The following EYA2 variants were observed in gnomAD, a reference collection of about 807,000 sequenced individuals.
EYA2 encodes protein phosphatase EYA2.
EYA2 carries 31 observed loss-of-function variants against 69.2 expected under a neutral mutation model. The ratio of observed to expected loss-of-function variants is 0.45; its 90% confidence interval spans 0.34 to 0.60. EYA2 has a LOEUF of 0.60. Among genes scored for constraint, EYA2 ranks in the 20% least tolerant of loss-of-function variants. EYA2 has a pLI of 0.02. For synonymous variants in EYA2, 257 were observed against 279.4 expected, an observed-to-expected ratio of 0.92 and a Z score of 0.80; for missense variants, 622 against 701.2, an observed-to-expected ratio of 0.89 and a Z score of 1.28.
At chr20:47,167,926 A>G (rs1008958389) in intron 10 of EYA2, among the ~76,000 whole-genome samples, 2 of 152,152 alleles carry the variant, frequency 1.3e-5, no homozygotes, top group Admixed American at 6.5e-5. Flanking sequence ...GACTGGATCC[A>G]GGGGATCAGA....
intron 1 of EYA2, among the ~76,000 whole-genome samples, chr20:46,900,491 T>A (rs1984045594): frequency 6.6e-6 from 1 of 152,372 alleles, no homozygotes; most frequent in African/African-American, 2.4e-5. Context: ...TTGGGTTTCA[T>A]GGTAAGATGT....
chr20:46,902,611 A>G (rs1217460767), intron 1 of EYA2, among the ~76,000 whole-genome samples: 1 of 152,242 alleles, frequency 6.6e-6, no homozygotes, highest in Non-Finnish European at 1.5e-5. Context: ...CTGGAGAGCT[A>G]GATTTTAAAG....
In EYA2 at chr20:47,081,000, G is replaced by A. The variant is rs1057242750; in HGVS notation, c.661+6665G>A. Among the ~76,000 whole-genome samples the A allele has an allele frequency of 7.9e-5, 12 of 152,130 alleles. No homozygotes were observed. The South Asian group carries it at 1.9e-3, about 24-fold the overall frequency. On this transcript the variant is annotated intron_variant, in intron 7 of 15. Coordinates refer to ENST00000327619, the MANE Select transcript of EYA2 (RefSeq NM_005244.5). ...CTCCCTCAGCCTCTCAAGTAGTTGG[G>A]ACTACAGGTGTGTGCCACCATGCGC... is the stretch of plus-strand genomic sequence containing the variant.
At chr20:47,077,374 A>C (rs1165830826) in intron 7 of EYA2, among the ~76,000 whole-genome samples, 2 of 152,248 alleles carry the variant, frequency 1.3e-5, no homozygotes, top group Admixed American at 1.3e-4. Flanking sequence ...GCTTATCAAC[A>C]TTAAATAACA....
chr20:46,908,907 T>A (rs1022371010), intron 1 of EYA2, among the ~76,000 whole-genome samples: 86 of 121,430 alleles, frequency 7.1e-4, no homozygotes, highest in Middle Eastern at 4.3e-3. Flanking sequence ...TTTTTTTTTT[T>A]ACCAATTCCT....
At chr20:47,167,501 C>G (rs535368192) in intron 10 of EYA2, among the ~76,000 whole-genome samples, 26 of 151,972 alleles carry the variant, frequency 1.7e-4, no homozygotes, top group African/African-American at 6.0e-4. Context: ...CCAGGCTGGT[C>G]TCAAACTCCT....
chr20:47,185,595 C>T (rs2034624338), intron 15 of EYA2, among the ~76,000 whole-genome samples: 2 of 152,154 alleles, frequency 1.3e-5, no homozygotes, highest in African/African-American at 4.8e-5. Flanking sequence ...AGCCACCACA[C>T]TCAGCCAAAT....
intron 1 of EYA2, among the ~76,000 whole-genome samples, chr20:46,924,664 C>T (rs1985329409): frequency 1.3e-5 from 1 of 77,178 alleles, no homozygotes; most frequent in African/African-American, 6.1e-5. Context: ...AGCGAGACTC[C>T]ATCTCAAAAA....
At chr20:47,036,817 G>A (rs919624916) in intron 5 of EYA2, among the ~76,000 whole-genome samples, 3 of 152,136 alleles carry the variant, frequency 2.0e-5, no homozygotes, top group South Asian at 2.1e-4. Flanking sequence ...AACTCAGATC[G>A]CCTAAATTCA....
chr20:47,066,836 T>C (rs3787260), intron 5 of EYA2, among the ~76,000 whole-genome samples: 16,617 of 152,172 alleles, frequency 0.11, 1,238 homozygotes, highest in East Asian at 0.35. Flanking sequence ...TCATCTCATC[T>C]TTGCCTTCCC....
intron 1 of EYA2, among the ~76,000 whole-genome samples, chr20:46,984,744 T>G (rs968456270): frequency 3.9e-5 from 6 of 152,142 alleles, no homozygotes; most frequent in African/African-American, 1.2e-4. Flanking sequence ...ATAAATACAT[T>G]TTAGGAATGT....
At chr20:47,054,431 G>A (rs775575023) in intron 5 of EYA2, among the ~76,000 whole-genome samples, 6 of 152,124 alleles carry the variant, frequency 3.9e-5, no homozygotes, top group East Asian at 3.8e-4. Context: ...TCATGAATCC[G>A]TCAGTTTCAC....
chr20:47,051,888 CTCGGG>C, intron 5 of EYA2, among the ~76,000 whole-genome samples: 1 of 152,214 alleles, frequency 6.6e-6, no homozygotes, highest in Admixed American at 6.5e-5. Context: ...ATAACCACAG[CTCGGG>C]GCTCAGCATA....
chr20:47,013,834 G>A lies in EYA2; in HGVS notation c.299-2347G>A, dbSNP rs559575184. On this transcript the variant is annotated intron_variant, in intron 4 of 15. Transcript: ENST00000327619. ...TCCTAGTGGACTGAGCAAAAAGAAGGTGCTGTATAAATATTGCTTGTTGCT... is the reference window on the plus strand; with the variant it reads ...TCCTAGTGGACTGAGCAAAAAGAAGATGCTGTATAAATATTGCTTGTTGCT... 2.5e-3 allele frequency among the ~76,000 whole-genome samples: 383 copies of A among 152,294 alleles called. 2 individuals are homozygous for A. The highest frequency in any genetic ancestry group is 8.9e-3 in the African/African-American group (371 of 41,568).
At chr20:47,029,132 G>C (rs1375574086) in intron 5 of EYA2, among the ~76,000 whole-genome samples, 1 of 152,226 alleles carries the variant, frequency 6.6e-6, no homozygotes, top group African/African-American at 2.4e-5. Flanking sequence ...CTGATGTGAA[G>C]GCAGGGGACT....
At chr20:46,942,149 C>T (rs1163280712) in intron 1 of EYA2, among the ~76,000 whole-genome samples, 1 of 152,094 alleles carries the variant, frequency 6.6e-6, no homozygotes, top group African/African-American at 2.4e-5. Flanking sequence ...GCCCTCCTCA[C>T]CAAGGAGTGG....
chr20:47,098,589 C>G (rs2032326250), intron 9 of EYA2, among the ~76,000 whole-genome samples: 2 of 152,212 alleles, frequency 1.3e-5, no homozygotes, highest in Non-Finnish European at 2.9e-5. Flanking sequence ...TCCTTCAAGT[C>G]AGAGACAAAG....
intron 1 of EYA2, among the ~76,000 whole-genome samples, chr20:46,907,581 G>A (rs868356663): frequency 4.6e-5 from 7 of 152,202 alleles, no homozygotes; most frequent in South Asian, 4.1e-4. Flanking sequence ...GCTCACACCC[G>A]TAACCCCAGC....
intron 5 of EYA2, among the ~76,000 whole-genome samples, chr20:47,043,239 A>T (rs2029882179): frequency 6.6e-6 from 1 of 152,200 alleles, no homozygotes; most frequent in Non-Finnish European, 1.5e-5. Context: ...TTTTATTGGC[A>T]AACTTATTCC....
Sources: gnomAD v4.1 joint callset for allele counts (sites outside exome capture counted in the v4.1 genomes callset) on GRCh38, gnomAD v4.1.1 for gene constraint, MANE v1.5 for transcripts, NCBI Gene and HGNC (gene_info 2026-07-23, HGNC 2026-07-21) for gene names.